Variants in DCAF6 observed in about 807,000 individuals in gnomAD.
DCAF6 encodes the protein DDB1- and CUL4-associated factor 6.
In DCAF6, 54 loss-of-function variants were observed where a neutral mutation model predicts 125.1. The observed-to-expected ratio is 0.43, with a 90% CI of 0.35 to 0.54. The LOEUF (loss-of-function observed/expected upper bound fraction) is 0.54, where lower values mean the gene tolerates loss of function less well. Ranked by LOEUF, DCAF6 falls within the 20% of genes least tolerant of loss-of-function variation. The pLI is 0.01. For synonymous variants in DCAF6, 371 were observed against 390.4 expected (o/e 0.95, Z 0.58); for missense variants, 934 against 1,161.7 (o/e 0.80, Z 2.85).
chr1:167,883,165 G>A, the DCAF6 span, among the ~76,000 whole-genome samples: 1 of 152,246 alleles, frequency 6.6e-6, no homozygotes, highest in African/African-American at 2.4e-5. Flanking sequence ...AGCCTCCTGA[G>A]TAGCTGAGAT....
At chr1:168,070,575 C>G (rs964992012) in intron 21 of DCAF6, among the ~76,000 whole-genome samples, 3 of 152,158 alleles carry the variant, frequency 2.0e-5, no homozygotes, top group Non-Finnish European at 4.4e-5. Flanking sequence ...GTTTTACAAA[C>G]TACAAATACT....
At chr1:168,067,844 G>A (rs1049431807) in intron 20 of DCAF6, among the ~76,000 whole-genome samples, 6 of 152,000 alleles carry the variant, frequency 3.9e-5, no homozygotes, top group African/African-American at 9.7e-5. Context: ...GTGTTCACGA[G>A]TATTCAAGTA....
chr1:168,060,423 C>T (rs1691447760), intron 17 of DCAF6, among the ~76,000 whole-genome samples: 1 of 152,128 alleles, frequency 6.6e-6, no homozygotes, highest in African/African-American at 2.4e-5. Context: ...TGGGCTCAAG[C>T]AGCCCTCCTG....
the DCAF6 span, chr1:167,901,613 A>G: frequency 1.3e-6 from 2 of 1,589,384 alleles, no homozygotes; most frequent in Non-Finnish European, 8.6e-7. Context: ...CCCAGGAGTC[A>G]AGACCCTATC....
chr1:167,996,267 T>C (rs1571862216), intron 7 of DCAF6, among the ~76,000 whole-genome samples: 1 of 152,294 alleles, frequency 6.6e-6, no homozygotes, highest in East Asian at 1.9e-4. Flanking sequence ...TCTATCCTTT[T>C]TTCTTTTTAT....
chr1:168,031,134 C>T (rs1229121669), intron 12 of DCAF6, among the ~76,000 whole-genome samples: 1 of 152,096 alleles, frequency 6.6e-6, no homozygotes, highest in East Asian at 1.9e-4. Context: ...TTTTTGCATA[C>T]AGATGTTAAC....
the DCAF6 span, among the ~76,000 whole-genome samples, chr1:167,927,429 A>G: frequency 6.6e-6 from 1 of 152,222 alleles, no homozygotes; most frequent in African/African-American, 2.4e-5. Context: ...GCTCATACAC[A>G]GTATCAATTA....
chr1:167,982,456 T>G (rs1294445310), intron 4 of DCAF6, among the ~76,000 whole-genome samples: 1 of 152,182 alleles, frequency 6.6e-6, no homozygotes, highest in African/African-American at 2.4e-5. Flanking sequence ...TCAACCAGGA[T>G]GGTTTTGATC....
intron 1 of DCAF6, among the ~76,000 whole-genome samples, chr1:167,946,549 T>G (rs1344753862): frequency 6.6e-6 from 1 of 152,218 alleles, no homozygotes; most frequent in Non-Finnish European, 1.5e-5. Context: ...GATCTTTCTG[T>G]GCCTAGTTTA....
the DCAF6 span, among the ~76,000 whole-genome samples, chr1:167,874,626 C>T: frequency 6.6e-6 from 1 of 152,216 alleles, no homozygotes. Flanking sequence ...TTGTACTCAA[C>T]AGAAATGCAT....
chr1:167,935,851 G>A (rs754024630), upstream of DCAF6: 6 of 1,546,694 alleles, frequency 3.9e-6, no homozygotes, highest in Non-Finnish European at 4.4e-6. Context: ...TCGCCGCCGA[G>A]GGATCGTTGG....
intron 1 of DCAF6, among the ~76,000 whole-genome samples, chr1:167,945,415 C>T (rs776294135): frequency 2.6e-5 from 4 of 152,052 alleles, no homozygotes; most frequent in Non-Finnish European, 5.9e-5. Context: ...TTGTAGTTCT[C>T]CTTGTAGGGA....
chr1:167,940,383 G>A (rs1023787633), intron 1 of DCAF6, among the ~76,000 whole-genome samples: 1 of 152,010 alleles, frequency 6.6e-6, no homozygotes, highest in Non-Finnish European at 1.5e-5. Flanking sequence ...GGTGGGAGGC[G>A]GGGGGCAGGG....
In DCAF6 at chr1:168,063,606, A is replaced by T. The variant is rs1223762020; in HGVS notation, c.2301-15A>T. The T allele has an allele frequency of 6.8e-7, 1 of 1,477,854 alleles. No individual in the cohort carries two copies. The highest frequency in any genetic ancestry group is 1.5e-5 in the African/African-American group (1 of 67,604). The allele number at this position is 1,477,854 out of a possible 1,614,324, so 91.5% of individuals were successfully genotyped here. On this transcript the variant is annotated splice_polypyrimidine_tract_variant and intron_variant, in intron 17 of 21. Transcript: ENST00000367840. ...TTTTATTTATTTTTGTTTTTTTAATATGTAATTCATATAGACGCTCTGCTG... is the reference window on the plus strand; with the variant it reads ...TTTTATTTATTTTTGTTTTTTTAATTTGTAATTCATATAGACGCTCTGCTG...
Position 168,038,500 on chromosome 1 carries a change from T to A in DCAF6, c.1727+12T>A. 9.7e-6 allele frequency: 15 copies of A among 1,543,006 alleles called. No individual in the cohort carries two copies. Among genetic ancestry groups the A allele is most frequent in the Non-Finnish European group, 1.2e-5 (14 of 1,135,494 alleles). On this transcript the variant is annotated intron_variant, in intron 13 of 21. Transcript: ENST00000367840. Reference sequence around the variant, plus strand: ...TTTACAGATGAATGGTAAGTTAATATTTTTGTAAAGATGTTCTTAGCCATT... The same window carrying A: ...TTTACAGATGAATGGTAAGTTAATAATTTTGTAAAGATGTTCTTAGCCATT...
chr1:168,072,220 C>A (rs1281909817), intron 21 of DCAF6, among the ~76,000 whole-genome samples: 1 of 139,532 alleles, frequency 7.2e-6, no homozygotes, highest in African/African-American at 2.7e-5. Flanking sequence ...TCGCCTGAAC[C>A]CAGGAGGTGG....
the DCAF6 span, among the ~76,000 whole-genome samples, chr1:167,910,467 T>TC: frequency 6.6e-6 from 1 of 152,098 alleles, no homozygotes; most frequent in Non-Finnish European, 1.5e-5. Context: ...GTGGGGTAAG[T>TC]GGTGGACGTG....
At chr1:167,953,973 G>T (rs1674375983) in intron 2 of DCAF6, among the ~76,000 whole-genome samples, 1 of 151,994 alleles carries the variant, frequency 6.6e-6, no homozygotes, top group African/African-American at 2.4e-5. Flanking sequence ...GTGGATACAG[G>T]ATTCTAGGTT....
chr1:167,925,478 T>TAC, the DCAF6 span, among the ~76,000 whole-genome samples: 718 of 122,464 alleles, frequency 5.9e-3, 1 homozygote, highest in African/African-American at 0.012. Context: ...TATATATACA[T>TAC]ATACATATAC....
Sources: allele counts gnomAD v4.1 joint callset (sites outside exome capture counted in the v4.1 genomes callset), GRCh38; gene constraint gnomAD v4.1.1; transcripts MANE v1.5; gene names NCBI Gene and HGNC (gene_info 2026-07-23, HGNC 2026-07-21).